The following PCDH15 variants were observed in gnomAD, a reference collection of about 807,000 sequenced individuals.
PCDH15 encodes the protein protocadherin related 15.
A neutral mutation model predicts 178.5 loss-of-function variants in PCDH15; 129 were observed. The observed-to-expected ratio is 0.72, with a 90% CI of 0.63 to 0.84. PCDH15 has a LOEUF of 0.84. Among genes scored for constraint, PCDH15 ranks in the 40% least tolerant of loss-of-function variants. PCDH15 has a pLI of 0.00. For missense variants in PCDH15, 2,230 were observed against 2,099.9 expected (o/e 1.06, Z -1.21); for synonymous variants, 800 against 732.0 (o/e 1.09, Z -1.50).
intron 20 of PCDH15, among the ~76,000 whole-genome samples, chr10:54,013,740 G>A (rs1223245862): frequency 6.6e-6 from 1 of 152,050 alleles, no homozygotes; most frequent in East Asian, 1.9e-4. Flanking sequence ...GAATCTCTGG[G>A]GCACAGCTAA....
At chr10:54,014,300 C>A (rs541167468) in intron 20 of PCDH15, among the ~76,000 whole-genome samples, 1 of 151,668 alleles carries the variant, frequency 6.6e-6, no homozygotes, top group African/African-American at 2.4e-5. Context: ...TAGGAAAAGC[C>A]CAGGACCAGT....
intron 18 of PCDH15, among the ~76,000 whole-genome samples, chr10:54,037,258 A>G (rs556022841): frequency 3.9e-5 from 6 of 152,120 alleles, no homozygotes; most frequent in African/African-American, 1.4e-4. Flanking sequence ...ATTCTGAAAA[A>G]AACTTATTTA....
intron 2 of PCDH15, among the ~76,000 whole-genome samples, chr10:55,593,580 C>G (rs1242479007): frequency 6.6e-6 from 1 of 151,604 alleles, no homozygotes; most frequent in Non-Finnish European, 1.5e-5. Flanking sequence ...TTGTATACAT[C>G]TGGAAATAAG....
intron 2 of PCDH15, among the ~76,000 whole-genome samples, chr10:55,425,082 GA>G (rs1838719303): frequency 1.3e-5 from 2 of 150,398 alleles, no homozygotes; most frequent in South Asian, 2.1e-4. Flanking sequence ...TCTCCATGTA[GA>G]AAAAATTAGA....
At chr10:55,480,103 A>G (rs1840147086) in intron 2 of PCDH15, among the ~76,000 whole-genome samples, 1 of 151,558 alleles carries the variant, frequency 6.6e-6, no homozygotes, top group African/African-American at 2.4e-5. Flanking sequence ...ATGTCATTGT[A>G]ATGTTATCGA....
chr10:54,590,516 G>T (rs1213482558), intron 2 of PCDH15, among the ~76,000 whole-genome samples: 1 of 152,112 alleles, frequency 6.6e-6, no homozygotes, highest in East Asian at 1.9e-4. Context: ...TCCAAAAATG[G>T]CTTAAATATT....
At chr10:54,317,767 G>A (rs2061369016) in intron 7 of PCDH15, among the ~76,000 whole-genome samples, 1 of 151,618 alleles carries the variant, frequency 6.6e-6, no homozygotes, top group African/African-American at 2.4e-5. Flanking sequence ...GTGAGACTCA[G>A]TCTCAAAAAA....
At chr10:54,348,632 T>C (rs1221119475) in intron 5 of PCDH15, among the ~76,000 whole-genome samples, 1 of 152,182 alleles carries the variant, frequency 6.6e-6, no homozygotes, top group Non-Finnish European at 1.5e-5. Flanking sequence ...TGTTTTAAAA[T>C]ATGTATACCT....
upstream of PCDH15, among the ~76,000 whole-genome samples, chr10:55,319,987 C>G (rs1843846184): frequency 6.6e-6 from 1 of 152,104 alleles, no homozygotes; most frequent in South Asian, 2.1e-4. Context: ...CTGAGTATCC[C>G]TGTCTGCTGG....
At chr10:55,249,093 C>T (rs191849666) in intron 1 of PCDH15, among the ~76,000 whole-genome samples, 227 of 152,004 alleles carry the variant, frequency 1.5e-3, no homozygotes, top group African/African-American at 3.7e-3. Flanking sequence ...GATAAACAAA[C>T]GATAAAATCA....
intron 2 of PCDH15, among the ~76,000 whole-genome samples, chr10:55,533,404 G>T (rs1192011765): frequency 6.6e-6 from 1 of 151,938 alleles, no homozygotes; most frequent in Non-Finnish European, 1.5e-5. Flanking sequence ...AATATATGTA[G>T]AAAAATCAGT....
At chr10:55,106,388 T>C (rs769996670) in intron 2 of PCDH15, among the ~76,000 whole-genome samples, 3 of 152,148 alleles carry the variant, frequency 2.0e-5, no homozygotes, top group African/African-American at 4.8e-5. Flanking sequence ...GAAACAAACA[T>C]AAATATACAT....
At chr10:54,101,855 G>A (rs551701703) in intron 15 of PCDH15, among the ~76,000 whole-genome samples, 1 of 152,158 alleles carries the variant, frequency 6.6e-6, no homozygotes, top group Admixed American at 6.6e-5. Flanking sequence ...TGCAACTGTA[G>A]TCTCAGCTAC....
chr10:55,255,710 T>C (rs1323803204), intron 1 of PCDH15, among the ~76,000 whole-genome samples: 1 of 152,246 alleles, frequency 6.6e-6, no homozygotes, highest in African/African-American at 2.4e-5. Context: ...CCAGTGATGA[T>C]GAGCATTTCT....
In PCDH15 at chr10:54,622,690, AATATATATTTTCTATAT is replaced by A. The variant is rs1214190114; in HGVS notation, c.91+41465_91+41481del. On this transcript the variant is annotated intron_variant, in intron 2 of 37. Transcript: ENST00000644397. ...ATATTATATATAATATATATTATAT[AATATATATTTTCTATAT>A]ATTATATATAATATATATTATATAA... Among the ~76,000 whole-genome samples the A allele has an allele frequency of 1.2e-3, 105 of 87,278 alleles. 3 individuals are homozygous for A. The highest frequency in any genetic ancestry group is 5.0e-3 in the African/African-American group (102 of 20,464). 57.3% of individuals were successfully genotyped at this position (87,278 alleles called of 152,430 possible). A position where few individuals can be genotyped will look rare whatever the true frequency, so the allele number is the denominator to read the frequency against.
chr10:54,256,620 G>A (rs11004184), intron 8 of PCDH15, among the ~76,000 whole-genome samples: 104,235 of 151,992 alleles, frequency 0.69, 36,715 homozygotes, highest in Middle Eastern at 0.76. Flanking sequence ...GTGTAAGGCT[G>A]CTGTTTCCTC....
At chr10:55,339,946 C>A (rs985492650) in intron 2 of PCDH15, among the ~76,000 whole-genome samples, 9 of 150,676 alleles carry the variant, frequency 6.0e-5, no homozygotes, top group African/African-American at 1.7e-4. Flanking sequence ...AAAAAAAAAA[C>A]CCACAAATAG....
intron 2 of PCDH15, among the ~76,000 whole-genome samples, chr10:54,632,779 A>C (rs1283763242): frequency 6.6e-6 from 1 of 152,104 alleles, no homozygotes; most frequent in Non-Finnish European, 1.5e-5. Flanking sequence ...TTAATCACTC[A>C]TCTAAAATTC....
Position 55,098,569 on chromosome 10 carries a change from C to T in PCDH15, c.-80+68007G>A, listed in dbSNP as rs142445251. 7.9e-3 allele frequency among the ~76,000 whole-genome samples: 1,200 copies of T among 152,142 alleles called. 22 individuals are homozygous for T. Among genetic ancestry groups the T allele is most frequent in the African/African-American group, 0.027 (1,109 of 41,512 alleles). On this transcript the variant is annotated intron_variant, in intron 2 of 5. Coordinates refer to the PCDH15 transcript ENST00000458638. ...GACATGTTCAAAATGGTGGCTCCATCTTCCCTCTATTTGCCAAGCCACGCT... is the reference window on the plus strand; with the variant it reads ...GACATGTTCAAAATGGTGGCTCCATTTTCCCTCTATTTGCCAAGCCACGCT...
Sources: allele counts gnomAD v4.1 joint callset (sites outside exome capture counted in the v4.1 genomes callset), GRCh38; gene constraint gnomAD v4.1.1; transcripts MANE v1.5; gene names NCBI Gene and HGNC (gene_info 2026-07-23, HGNC 2026-07-21).